Variants in FAM20A observed in about 807,000 individuals in gnomAD.
FAM20A encodes the protein pseudokinase FAM20A.
A neutral mutation model predicts 52.0 loss-of-function variants in FAM20A; 42 were observed. The observed-to-expected ratio is 0.81, with a 90% CI of 0.63 to 1.04. FAM20A has a LOEUF of 1.04. Among genes scored for constraint, FAM20A ranks in the 50% least tolerant of loss-of-function variants. The pLI is 0.00. For synonymous variants in FAM20A, 304 were observed against 298.9 expected, an observed-to-expected ratio of 1.02 and a Z score of -0.18; for missense variants, 742 against 712.7, an observed-to-expected ratio of 1.04 and a Z score of -0.47.
intron 4 of FAM20A, among the ~76,000 whole-genome samples, chr17:68,548,893 C>T (rs34823732): frequency 0.031 from 4,678 of 151,664 alleles, 103 homozygotes; most frequent in Non-Finnish European, 0.048. Flanking sequence ...CCACCACGCC[C>T]GGCTAATTTT....
At chr17:68,591,100 GTTT>G (rs2088292942) in intron 1 of FAM20A, among the ~76,000 whole-genome samples, 1 of 151,282 alleles carries the variant, frequency 6.6e-6, no homozygotes, top group Non-Finnish European at 1.5e-5. Context: ...ACTCTGTTTT[GTTT>G]TGTTTTGTTT....
rs1363766422 is a variant in FAM20A, at chr17:68,535,435, G to GA, written c.*2041dup. ...AGGTAGAGCTGTAGCCTGCTTTCCTGAGAGTCTTATTTGGAAGTCCCAAAC... is the reference window on the plus strand; with the variant it reads ...AGGTAGAGCTGTAGCCTGCTTTCCTGAAGAGTCTTATTTGGAAGTCCCAAAC... On this transcript the variant is annotated 3_prime_UTR_variant, in exon 11 of 11. Coordinates refer to ENST00000592554, the MANE Select transcript of FAM20A (RefSeq NM_017565.4). 2.6e-5 allele frequency: 12 copies of GA among 453,940 alleles called. No homozygotes were observed. The highest frequency in any genetic ancestry group is 4.4e-6 in the Non-Finnish European group (1 of 226,776). The allele number at this position is 453,940 out of a possible 1,614,324, so 28.1% of individuals were successfully genotyped here. A position where few individuals can be genotyped will look rare whatever the true frequency, so the allele number is the denominator to read the frequency against.
rs147544947 is a variant in FAM20A, at chr17:68,553,759, T to TATATATAC, written c.640+1010_640+1017dup. On this transcript the variant is annotated intron_variant, in intron 3 of 10. Transcript: ENST00000592554. ...ACATATATATACACATATATATACA[T>TATATATAC]ATATATACATATATACATATATACA... 8.1e-5 allele frequency among the ~76,000 whole-genome samples: 12 copies of TATATATAC among 148,678 alleles called. No individual in the cohort carries two copies. The East Asian group carries it at 1.2e-3, about 15-fold the overall frequency.
chr17:68,577,808 A>G (rs1002134638), intron 1 of FAM20A, among the ~76,000 whole-genome samples: 1 of 152,168 alleles, frequency 6.6e-6, no homozygotes, highest in Non-Finnish European at 1.5e-5. Flanking sequence ...TTAATTGTTT[A>G]AAAAAAGAAA....
chr17:68,562,210 A>G (rs2087234474), intron 1 of FAM20A, among the ~76,000 whole-genome samples: 1 of 152,262 alleles, frequency 6.6e-6, no homozygotes, highest in Non-Finnish European at 1.5e-5. Context: ...TGATTTGCAC[A>G]ACTGTGCAAG....
At chr17:68,567,397 A>G (rs1197664705) in intron 1 of FAM20A, among the ~76,000 whole-genome samples, 2 of 151,904 alleles carry the variant, frequency 1.3e-5, no homozygotes, top group East Asian at 3.8e-4. Context: ...CATGTTTAAA[A>G]CTAAACTCTT....
chr17:68,535,808 A>T lies in FAM20A; in HGVS notation c.*1669T>A. 2 of 437,708 alleles carry T rather than the reference A, an allele frequency of 4.6e-6. No homozygotes were observed. The highest frequency in any genetic ancestry group is 4.6e-6 in the Non-Finnish European group (1 of 219,264). The allele number at this position is 437,708 out of a possible 1,614,324, so 27.1% of individuals were successfully genotyped here. The stretch of plus-strand genomic sequence containing the variant: ...ACAGGTGTGAGCCCATGCCCAGCTG[A>T]TTTTTTTTTTAAGCAAACAAATTTG... On this transcript the variant is annotated 3_prime_UTR_variant, in exon 11 of 11. Coordinates refer to ENST00000592554, the MANE Select transcript of FAM20A (RefSeq NM_017565.4).
intron 1 of FAM20A, among the ~76,000 whole-genome samples, chr17:68,596,005 G>A (rs1446860938): frequency 6.6e-6 from 1 of 152,058 alleles, no homozygotes; most frequent in Admixed American, 6.6e-5. Flanking sequence ...TATCTGCCTT[G>A]GCTTCTGGAT....
chr17:68,557,086 G>C (rs187302924), intron 1 of FAM20A, among the ~76,000 whole-genome samples: 3 of 152,034 alleles, frequency 2.0e-5, no homozygotes, highest in Non-Finnish European at 4.4e-5. Context: ...TGTAATCCCA[G>C]CTACTTGAGA....
chr17:68,594,378 G>C (rs1346320212), intron 1 of FAM20A, among the ~76,000 whole-genome samples: 1 of 149,838 alleles, frequency 6.7e-6, no homozygotes, highest in Admixed American at 6.6e-5. Flanking sequence ...CAGCCTGGGC[G>C]ACAGAGCGAG....
rs984999298 is a variant in FAM20A, at chr17:68,535,800, C to T, written c.*1677G>A. ...CTGGGATTACAGGTGTGAGCCCATG[C>T]CCAGCTGATTTTTTTTTTAAGCAAA... On this transcript the variant is annotated 3_prime_UTR_variant, in exon 11 of 11. Coordinates refer to ENST00000592554, the MANE Select transcript of FAM20A (RefSeq NM_017565.4). The T allele has an allele frequency of 1.1e-5, 5 of 453,520 alleles. No homozygotes were observed. In the Admixed American group the frequency reaches 1.2e-4, roughly 11 times the overall value. 28.1% of individuals were successfully genotyped at this position (453,520 alleles called of 1,614,324 possible). A position where few individuals can be genotyped will look rare whatever the true frequency, so the allele number is the denominator to read the frequency against.
chr17:68,550,954 G>T, intron 4 of FAM20A: 1 of 735,068 alleles, frequency 1.4e-6, no homozygotes, highest in Non-Finnish European at 1.9e-6. Context: ...GCTCTCAATG[G>T]GCCTCCCCTT....
intron 4 of FAM20A, among the ~76,000 whole-genome samples, chr17:68,550,376 T>TTTA (rs999170751): frequency 7.6e-6 from 1 of 131,262 alleles, no homozygotes; most frequent in Non-Finnish European, 1.6e-5. Flanking sequence ...GAACTTTTTT[T>TTTA]TTTTTTTTTT....
intron 4 of FAM20A, among the ~76,000 whole-genome samples, chr17:68,550,889 A>G (rs572361166): frequency 3.3e-5 from 5 of 152,106 alleles, no homozygotes; most frequent in African/African-American, 9.6e-5. Context: ...TGGGACTGAA[A>G]CTCTTTATTC....
chr17:68,600,315 C>T lies in FAM20A; in HGVS notation c.352G>A (p.Ala118Thr). ...TAATACCGCAGCGCCTCCTGGCTGGCCAGGAGCGAGTCCTCGGCTCCCAGG... is the reference window on the plus strand; with the variant it reads ...TAATACCGCAGCGCCTCCTGGCTGGTCAGGAGCGAGTCCTCGGCTCCCAGG... ...PLLGAEDSLL[A>T]SQEALRYYRR... Residue 118 changes from alanine to threonine, a missense_variant, in exon 1 of 11, where the codon GCC becomes ACC. Transcript: ENST00000592554. This position sits in a 1 kb window ranked among gnomAD's most constrained non-coding sequence, Gnocchi z 6.2. 6.3e-7 allele frequency: 1 copy of T among 1,588,534 alleles called. No individual in the cohort carries two copies. The highest frequency in any genetic ancestry group is 8.6e-7 in the Non-Finnish European group (1 of 1,167,812).
chr17:68,550,369 CTTT>C (rs747654899), intron 4 of FAM20A, among the ~76,000 whole-genome samples: 1 of 79,390 alleles, frequency 1.3e-5, no homozygotes, highest in Non-Finnish European at 2.2e-5. Flanking sequence ...AATGGGGGAA[CTTT>C]TTTTTTTTTT....
intron 1 of FAM20A, among the ~76,000 whole-genome samples, chr17:68,583,659 G>A (rs2088080053): frequency 6.6e-6 from 1 of 152,184 alleles, no homozygotes. Context: ...GCTCATGCCT[G>A]TAATTGCAGC....
rs927233223 is a variant in FAM20A, at chr17:68,553,903, T to G, written c.640+874A>C. ...ATATACCTATATACACATATATGCA[T>G]ATATACATATATACACACATATATG... On this transcript the variant is annotated intron_variant, in intron 3 of 10. Coordinates refer to ENST00000592554, the MANE Select transcript of FAM20A (RefSeq NM_017565.4). Among the ~76,000 whole-genome samples the G allele has an allele frequency of 3.0e-5, 4 of 134,694 alleles. 1 individual carries two copies. The highest frequency in any genetic ancestry group is 2.9e-4 in the Admixed American group (4 of 13,762). 88.4% of individuals were successfully genotyped at this position (134,694 alleles called of 152,430 possible).
chr17:68,574,410 C>T (rs576117981), intron 1 of FAM20A, among the ~76,000 whole-genome samples: 5 of 152,206 alleles, frequency 3.3e-5, no homozygotes, highest in African/African-American at 9.6e-5. Flanking sequence ...AGACCCACTC[C>T]CACGATAACC....
Sources: gnomAD v4.1 joint callset for allele counts (sites outside exome capture counted in the v4.1 genomes callset) on GRCh38, gnomAD v4.1.1 for gene constraint, Gnocchi (gnomAD v3.1) non-coding constraint, MANE v1.5 for transcripts, NCBI Gene and HGNC (gene_info 2026-07-23, HGNC 2026-07-21) for gene names.